LRFN2: variants seen among roughly 807,000 people sequenced by gnomAD.
LRFN2 encodes the protein leucine rich repeat and fibronectin type III domain containing 2.
In LRFN2, 18 loss-of-function variants were observed where a neutral mutation model predicts 37.3. The ratio of observed to expected loss-of-function variants is 0.48; its 90% CI spans 0.33 to 0.72. The LOEUF (loss-of-function observed/expected upper bound fraction) is 0.72. Among genes scored for constraint, LRFN2 ranks in the 30% least tolerant of loss-of-function variants. The pLI, the probability that LRFN2 is intolerant of heterozygous loss-of-function variation, is 0.02. For missense variants in LRFN2, 1,006 were observed against 1,060.7 expected, an observed-to-expected ratio of 0.95 and a Z score of 0.72; for synonymous variants, 556 against 466.6, an observed-to-expected ratio of 1.19 and a Z score of -2.47.
intron 2 of LRFN2, among the ~76,000 whole-genome samples, chr6:40,393,875 G>A (rs145158768): frequency 5.3e-5 from 8 of 152,318 alleles, no homozygotes; most frequent in South Asian, 2.1e-4. Context: ...GAGGGAGAGC[G>A]TTTGCTGCTG....
chr6:40,412,503 C>T (rs1263802149), intron 2 of LRFN2, among the ~76,000 whole-genome samples: 1 of 152,198 alleles, frequency 6.6e-6, no homozygotes, highest in Non-Finnish European at 1.5e-5. Flanking sequence ...TCAGACCATG[C>T]AGGACCTGGA....
intron 1 of LRFN2, among the ~76,000 whole-genome samples, chr6:40,510,709 G>A (rs921929986): frequency 1.3e-5 from 2 of 152,218 alleles, no homozygotes; most frequent in South Asian, 2.1e-4. Context: ...CAGAGGAAAC[G>A]AAAGCAGGGC....
chr6:40,417,210 T>C (rs1763113381), intron 2 of LRFN2, among the ~76,000 whole-genome samples: 1 of 152,218 alleles, frequency 6.6e-6, no homozygotes, highest in Non-Finnish European at 1.5e-5. Context: ...TGGCACTGGC[T>C]CACACGCGGT....
chr6:40,498,645 G>A lies in LRFN2; in HGVS notation c.-18-65514C>T, dbSNP rs113896288. Among the ~76,000 whole-genome samples the A allele has an allele frequency of 1.9e-3, 287 of 152,094 alleles. 2 individuals carry two copies. The highest frequency in any genetic ancestry group is 6.4e-3 in the African/African-American group (266 of 41,480). The stretch of plus-strand genomic sequence containing the variant: ...TGTGCTATGCACACACTCAGCTCAC[G>A]CCCAGCCCACTCTGCGACACCCACA... On this transcript the variant is annotated intron_variant, in intron 1 of 2. Coordinates refer to ENST00000338305, the MANE Select transcript of LRFN2 (RefSeq NM_020737.3).
At chr6:40,550,470 G>A (rs562317910) in intron 1 of LRFN2, among the ~76,000 whole-genome samples, 5 of 152,240 alleles carry the variant, frequency 3.3e-5, no homozygotes, top group South Asian at 4.1e-4. Context: ...GGGGGCATCC[G>A]TCAAAGTAGC....
chr6:40,584,295 C>T (rs1042727108), intron 1 of LRFN2, among the ~76,000 whole-genome samples: 3 of 152,178 alleles, frequency 2.0e-5, no homozygotes, highest in Non-Finnish European at 2.9e-5. Flanking sequence ...CATAATACAT[C>T]TATTGGGTAC....
At chr6:40,545,919 G>T (rs560028904) in intron 1 of LRFN2, among the ~76,000 whole-genome samples, 1 of 152,114 alleles carries the variant, frequency 6.6e-6, no homozygotes, top group East Asian at 1.9e-4. Flanking sequence ...TTTTCTTTTG[G>T]TGTTGTATCT....
chr6:40,455,007 A>G (rs538976347), intron 1 of LRFN2, among the ~76,000 whole-genome samples: 1 of 152,338 alleles, frequency 6.6e-6, no homozygotes, highest in South Asian at 2.1e-4. Context: ...CTGGGAATCT[A>G]GGACATAAAA....
chr6:40,486,505 T>C (rs999691752), intron 1 of LRFN2, among the ~76,000 whole-genome samples: 2 of 152,070 alleles, frequency 1.3e-5, no homozygotes, highest in Non-Finnish European at 2.9e-5. Flanking sequence ...CTTGGGGGGA[T>C]GGCAGGAGGG....
intron 1 of LRFN2, among the ~76,000 whole-genome samples, chr6:40,581,690 AT>A (rs1767406127): frequency 6.6e-6 from 1 of 152,198 alleles, no homozygotes; most frequent in African/African-American, 2.4e-5. Context: ...ATTGTTAGGC[AT>A]TTTTAGGAGG....
At chr6:40,577,453 A>G (rs1767308353) in intron 1 of LRFN2, among the ~76,000 whole-genome samples, 1 of 152,056 alleles carries the variant, frequency 6.6e-6, no homozygotes, top group Non-Finnish European at 1.5e-5. Flanking sequence ...TTCAAACCAA[A>G]AGATCCAGGA....
chr6:40,497,430 C>A (rs1765258407), intron 1 of LRFN2, among the ~76,000 whole-genome samples: 1 of 152,154 alleles, frequency 6.6e-6, no homozygotes, highest in African/African-American at 2.4e-5. Context: ...TCCCTGTGCT[C>A]CCATCCCTAT....
Position 40,523,505 on chromosome 6 carries a change from A to AT in LRFN2, c.-19+63435dup, listed in dbSNP as rs751179915. 8.8e-3 allele frequency among the ~76,000 whole-genome samples: 1,141 copies of AT among 129,054 alleles called. 25 individuals carry two copies. Among genetic ancestry groups the AT allele is most frequent in the East Asian group, 0.037 (145 of 3,926 alleles). The allele number at this position is 129,054 out of a possible 152,430, so 84.7% of individuals were successfully genotyped here. ...TAGGACCCTAAAGCATCTTTAGGTGATTTTTTTTTTTTTTTTTTTTTTTTT... is the reference window on the plus strand; with the variant it reads ...TAGGACCCTAAAGCATCTTTAGGTGATTTTTTTTTTTTTTTTTTTTTTTTTT... On this transcript the variant is annotated intron_variant, in intron 1 of 2. Coordinates refer to ENST00000338305, the MANE Select transcript of LRFN2 (RefSeq NM_020737.3).
chr6:40,456,234 T>C (rs1764231760), intron 1 of LRFN2, among the ~76,000 whole-genome samples: 1 of 152,234 alleles, frequency 6.6e-6, no homozygotes, highest in Non-Finnish European at 1.5e-5. Flanking sequence ...AGTAAACCTG[T>C]GTTGCTTTAA....
chr6:40,468,471 C>T (rs1025456080), intron 1 of LRFN2, among the ~76,000 whole-genome samples: 7 of 152,028 alleles, frequency 4.6e-5, no homozygotes, highest in Admixed American at 1.3e-4. Flanking sequence ...TTTGAATGGG[C>T]GGAACTGGGC....
chr6:40,420,223 G>A (rs1309336985), intron 2 of LRFN2, among the ~76,000 whole-genome samples: 1 of 152,180 alleles, frequency 6.6e-6, no homozygotes. Context: ...TTCACCCCGG[G>A]GTGGCCCATC....
At chr6:40,533,099 C>T (rs1006252885) in intron 1 of LRFN2, among the ~76,000 whole-genome samples, 6 of 151,890 alleles carry the variant, frequency 4.0e-5, no homozygotes, top group African/African-American at 1.5e-4. Context: ...CTTGTTTTAC[C>T]CATTGAGTAT....
intron 1 of LRFN2, among the ~76,000 whole-genome samples, chr6:40,553,342 G>C (rs892664263): frequency 7.9e-5 from 12 of 152,260 alleles, no homozygotes; most frequent in Admixed American, 5.2e-4. Context: ...CTACCCAGCA[G>C]AGGAAAAACA....
chr6:40,564,846 T>A (rs1490031275), intron 1 of LRFN2, among the ~76,000 whole-genome samples: 1 of 151,976 alleles, frequency 6.6e-6, no homozygotes, highest in Non-Finnish European at 1.5e-5. Context: ...ATCTCCACCA[T>A]CAGTGTGATC....
Sources: allele counts gnomAD v4.1 joint callset (sites outside exome capture counted in the v4.1 genomes callset), GRCh38; gene constraint gnomAD v4.1.1; transcripts MANE v1.5; gene names NCBI Gene and HGNC (gene_info 2026-07-23, HGNC 2026-07-21).